Variants in SLC5A6 observed in about 807,000 individuals in gnomAD.
SLC5A6 encodes solute carrier family 5 member 6.
Under a neutral mutation model 67.9 loss-of-function variants are expected in SLC5A6, and 31 were observed. The observed-to-expected ratio is 0.46, with a 90% CI of 0.34 to 0.62. The LOEUF (loss-of-function observed/expected upper bound fraction) is 0.62, where lower values mean the gene tolerates loss of function less well. Ranked by LOEUF, SLC5A6 falls within the 20% of genes least tolerant of loss-of-function variation. The probability of loss-of-function intolerance (pLI) is 0.01; values close to 1 mark genes in which losing one functional copy is unlikely to be tolerated. For synonymous variants in SLC5A6, 343 were observed against 331.0 expected (o/e 1.04, Z -0.39); for missense variants, 673 against 812.8 (o/e 0.83, Z 2.09).
intron 1 of SLC5A6, 81 bp downstream of exon 1, chr2:27,211,939 A>T (rs1361344606): frequency 2.3e-6 from 1 of 436,696 alleles, no homozygotes. Flanking sequence ...AGCCCGGCCG[A>T]GAGCCCTGGC....
intron 10 of SLC5A6, 73 bp from the exon 11 acceptor site, chr2:27,203,418 TG>T: frequency 1.5e-6 from 2 of 1,347,748 alleles, no homozygotes; most frequent in South Asian, 2.5e-5. Flanking sequence ...ATGGAGGAAA[TG>T]GTGTCCTAAA....
rs1289962312 is a variant in SLC5A6 at position 27,207,624 on chromosome 2, G to A, written c.27C>T (p.Ala9=). The A allele has an allele frequency of 3.7e-6, 6 of 1,613,976 alleles. No individual in the cohort carries two copies. In the East Asian group the frequency reaches 8.9e-5, roughly 24 times the overall value. MSVGVSTS[A]PLSPTSGTSV... ...TTGTGCCCGAGGTTGGGGAAAGAGG[G>A]GCTGAGGTGCTCACCCCTACACTCA... The change falls in exon 3 of 17, where the codon GCC becomes GCT. Residue 9 remains alanine (A), a synonymous_variant. Coordinates refer to ENST00000310574, the MANE Select transcript of SLC5A6 (RefSeq NM_021095.4). This position sits in a 1 kb window ranked among gnomAD's most constrained non-coding sequence, Gnocchi z 5.5.
At position 27,212,169 on chromosome 2, in the gene SLC5A6, G is replaced by A. The variant is rs575492572; in HGVS notation, c.-357C>T. The A allele has an allele frequency of 1.4e-4, 213 of 1,536,662 alleles. 1 individual carries two copies. In the Admixed American group the frequency reaches 4.4e-3, roughly 32 times the overall value. ...TCACTAAAGGGGAAAAGGAAGAGGG[G>A]GTCGGCCAGTATCCCCGAAAGAGGG... On this transcript the variant is annotated 5_prime_UTR_variant, in exon 1 of 17. Transcript: ENST00000310574.
In SLC5A6 at chr2:27,200,209, C is replaced by A. The variant is rs756529262; in HGVS notation, c.*227G>T. ...TGATCCTGCTCCCTACGAGCCTGAT[C>A]CTTTAAAAAACAGATTGGCAAGCGA... On this transcript the variant is annotated 3_prime_UTR_variant, in exon 17 of 17. Coordinates refer to ENST00000310574, the MANE Select transcript of SLC5A6 (RefSeq NM_021095.4). 26 of 465,092 alleles carry A rather than the reference C, an allele frequency of 5.6e-5. No individual in the cohort carries two copies. The highest frequency in any genetic ancestry group is 5.5e-4 in the Middle Eastern group (1 of 1,806). 28.8% of individuals were successfully genotyped at this position (465,092 alleles called of 1,614,324 possible).
chr2:27,200,259 T>C lies in SLC5A6; in HGVS notation c.*177A>G, dbSNP rs912281847. 1.3e-5 allele frequency: 7 copies of C among 535,508 alleles called. No homozygotes were observed. The highest frequency in any genetic ancestry group is 1.9e-5 in the Non-Finnish European group (6 of 317,728). The allele number at this position is 535,508 out of a possible 1,614,324, so 33.2% of individuals were successfully genotyped here. On this transcript the variant is annotated 3_prime_UTR_variant, in exon 17 of 17. Coordinates refer to ENST00000310574, the MANE Select transcript of SLC5A6 (RefSeq NM_021095.4). Reference sequence around the variant, plus strand: ...ACGAGAAAAACGGTGCCTCACATGCTTGAGATGTGACAGCTTCTCCTGCAG... The same window carrying C: ...ACGAGAAAAACGGTGCCTCACATGCCTGAGATGTGACAGCTTCTCCTGCAG...
At chr2:27,203,930 C>A in intron 9 of SLC5A6, 63 bp from the exon 10 acceptor site, 1 of 1,223,760 alleles carries the variant, frequency 8.2e-7, no homozygotes, top group Non-Finnish European at 1.2e-6. Context: ...GCCGGCTCTG[C>A]AGGGAAGCTC....
chr2:27,200,657 C>T (rs1673549277), intron 16 of SLC5A6, 78 bp from the exon 17 acceptor site: 1 of 1,480,004 alleles, frequency 6.8e-7, no homozygotes, highest in Non-Finnish European at 9.2e-7. Flanking sequence ...CAAAAAAGGT[C>T]CCCGCCAGAA....
chr2:27,210,062 GAACT>G (rs1674354785), intron 2 of SLC5A6, among the ~76,000 whole-genome samples: 1 of 152,196 alleles, frequency 6.6e-6, no homozygotes. Context: ...ACAGAACAAA[GAACT>G]AACTATAGGG....
chr2:27,201,896 T>C, intron 13 of SLC5A6, 49 bp from the exon 14 acceptor site: 1 of 1,610,332 alleles, frequency 6.2e-7, no homozygotes, highest in Non-Finnish European at 8.5e-7. Flanking sequence ...CTGCCAGCCC[T>C]CACGGCAGTC....
chr2:27,201,622 A>T, intron 14 of SLC5A6, 44 bp downstream of exon 14: 1 of 1,580,598 alleles, frequency 6.3e-7, no homozygotes, highest in Non-Finnish European at 8.7e-7. Context: ...AAGCCCTCAA[A>T]GGAGGGCTTT....
intron 9 of SLC5A6, 22 bp downstream of exon 9, chr2:27,204,439 G>C (rs1434870697): frequency 4.4e-6 from 7 of 1,604,076 alleles, no homozygotes; most frequent in Non-Finnish European, 6.0e-6. Context: ...GCCCTCATGG[G>C]AACAGAACAG....
At position 27,203,270 on chromosome 2, in the gene SLC5A6, G is replaced by T; in HGVS notation, c.1170C>A (p.Phe390Leu). ...EDLIRPWFPE[F>L]SEARAIMLSR... ...AAAGCATGATGGCCCGGGCTTCAGA[G>T]AACTCAGGGAACCAAGGTCGAATCA... is the stretch of plus-strand genomic sequence containing the variant. The change falls in exon 11 of 17, where the codon TTC becomes TTA. Residue 390 changes from phenylalanine to leucine, a missense_variant. By Grantham distance (22) the Phe-to-Leu change is conservative. Coordinates refer to ENST00000310574, the MANE Select transcript of SLC5A6 (RefSeq NM_021095.4). 6.2e-7 allele frequency: 1 copy of T among 1,614,130 alleles called. No individual in the cohort carries two copies. Among genetic ancestry groups the T allele is most frequent in the Non-Finnish European group, 8.5e-7 (1 of 1,180,010 alleles).
chr2:27,206,589 G>GAAGAAAGATGGGC, intron 4 of SLC5A6, 55 bp from the exon 5 acceptor site: 1 of 1,525,558 alleles, frequency 6.6e-7, no homozygotes, highest in Non-Finnish European at 9.1e-7. Context: ...GAAGAGAGAG[G>GAAGAAAGATGGGC]AAGAAAGATG....
chr2:27,200,902 G>C, intron 16 of SLC5A6, 96 bp downstream of exon 16: 1 of 792,956 alleles, frequency 1.3e-6, no homozygotes, highest in Non-Finnish European at 2.1e-6. Context: ...GAGGCACCCG[G>C]GGCAGGGGGA....
In SLC5A6 at chr2:27,207,134, A is replaced by T; in HGVS notation, c.393+124T>A. ...ACTGAGAAAGAATTATAAACACACA[A>T]TGAGTTTTCTGTCCCTCTCATTAGG... On this transcript the variant is annotated intron_variant, in intron 3 of 16. Coordinates refer to ENST00000310574, the MANE Select transcript of SLC5A6 (RefSeq NM_021095.4). This position sits in a 1 kb window ranked among gnomAD's most constrained non-coding sequence, Gnocchi z 5.5. 1 of 1,136,276 alleles carries T rather than the reference A, an allele frequency of 8.8e-7. No homozygotes were observed. Among genetic ancestry groups the T allele is most frequent in the Non-Finnish European group, 1.3e-6 (1 of 773,568 alleles). The allele number at this position is 1,136,276 out of a possible 1,614,324, so 70.4% of individuals were successfully genotyped here.
rs1362552643 is a variant in SLC5A6, at chr2:27,204,877, AC to A, written c.788del (p.Gly263ValfsTer4). The A allele has an allele frequency of 5.6e-6, 9 of 1,613,802 alleles. No homozygotes were observed. Among genetic ancestry groups the A allele is most frequent in the Non-Finnish European group, 7.6e-6 (9 of 1,179,966 alleles). ...CGTATAAGGAGAGCATCATGAAGACACCCCCGAAGGCCAAGGTCCAGAAGGT... is the reference window on the plus strand; with the variant it reads ...CGTATAAGGAGAGCATCATGAAGACACCCCGAAGGCCAAGGTCCAGAAGGT... ...RHTFWTLAFGGVFMMLSLYGV... is the reference protein window; with the variant it reads ...RHTFWTLAFGXVFMMLSLYGV... On this transcript the variant is annotated frameshift_variant, in exon 8 of 17. Coordinates refer to ENST00000310574, the MANE Select transcript of SLC5A6 (RefSeq NM_021095.4). LOFTEE classifies it high-confidence loss of function.
rs1391318336 is a variant in SLC5A6, at chr2:27,212,117, G to A, written c.-305C>T. 38 of 1,500,342 alleles carry A rather than the reference G, an allele frequency of 2.5e-5. No individual in the cohort carries two copies. Among genetic ancestry groups the A allele is most frequent in the Non-Finnish European group, 3.3e-5 (37 of 1,129,044 alleles). The allele number at this position is 1,500,342 out of a possible 1,614,324, so 92.9% of individuals were successfully genotyped here. Reference sequence around the variant, plus strand: ...TGAGGGAGTCTGCAGTCGGCTCCGGGAAGCCGCGCGGCGACGGGGGAGGCC... The same window carrying A: ...TGAGGGAGTCTGCAGTCGGCTCCGGAAAGCCGCGCGGCGACGGGGGAGGCC... On this transcript the variant is annotated 5_prime_UTR_variant, in exon 1 of 17. Transcript: ENST00000310574.
chr2:27,207,935 T>C lies in SLC5A6; in HGVS notation c.-140-145A>G, dbSNP rs556215213. The C allele has an allele frequency of 6.4e-5, 31 of 484,066 alleles. No homozygotes were observed. The highest frequency in any genetic ancestry group is 2.4e-4 in the South Asian group (7 of 28,788). 30.0% of individuals were successfully genotyped at this position (484,066 alleles called of 1,614,324 possible). ...TCTAGAGGCCCTGGTATGGGTTTGGTAGGGGACATAAGTGAGGGAGAAGCA... is the reference window on the plus strand; with the variant it reads ...TCTAGAGGCCCTGGTATGGGTTTGGCAGGGGACATAAGTGAGGGAGAAGCA... On this transcript the variant is annotated intron_variant, in intron 2 of 16. Transcript: ENST00000310574. The surrounding 1 kb of genome is among the most constrained non-coding windows in gnomAD (Gnocchi z 5.5).
chr2:27,201,963 CTG>C, intron 13 of SLC5A6, 23 bp downstream of exon 13: 1 of 1,610,022 alleles, frequency 6.2e-7, no homozygotes, highest in Non-Finnish European at 8.5e-7. Context: ...CTACACATGA[CTG>C]TGGATCCAGA....
Sources: gnomAD v4.1 joint callset for allele counts (sites outside exome capture counted in the v4.1 genomes callset) on GRCh38, gnomAD v4.1.1 for gene constraint, Gnocchi (gnomAD v3.1) non-coding constraint, MANE v1.5 for transcripts, NCBI Gene and HGNC (gene_info 2026-07-23, HGNC 2026-07-21) for gene names.